Variants in SLC1A2 observed in about 807,000 individuals in gnomAD.
SLC1A2 encodes solute carrier family 1 member 2.
SLC1A2 carries 15 observed loss-of-function variants against 48.8 expected under a neutral mutation model. The observed-to-expected ratio is 0.31, with a 90% CI of 0.21 to 0.47. SLC1A2 has a LOEUF of 0.47. SLC1A2 is among the 20% of genes least tolerant of loss of function. The pLI, the probability that SLC1A2 is intolerant of heterozygous loss-of-function variation, is 0.99. For missense variants in SLC1A2, 502 were observed against 730.5 expected (o/e 0.69, Z 3.61); for synonymous variants, 279 against 272.6 (o/e 1.02, Z -0.23).
intron 1 of SLC1A2, chr11:35,392,202 A>T (rs1484645874): frequency 6.6e-6 from 1 of 152,208 alleles, no homozygotes; most frequent in Admixed American, 6.5e-5. Flanking sequence ...TTGTACAATT[A>T]AAAAAATGCA....
chr11:35,354,343 C>A (rs1392637317), intron 1 of SLC1A2, among the ~76,000 whole-genome samples: 1 of 151,860 alleles, frequency 6.6e-6, no homozygotes, highest in African/African-American at 2.4e-5. Flanking sequence ...ACCTGGAGTC[C>A]CCACTACCAG....
At chr11:35,401,432 G>C (rs1044414760) in intron 1 of SLC1A2, among the ~76,000 whole-genome samples, 3 of 152,018 alleles carry the variant, frequency 2.0e-5, no homozygotes, top group African/African-American at 7.2e-5. Flanking sequence ...AGTCTTTTTT[G>C]TCAGTCTTAA....
rs1226387343 is a variant in SLC1A2 at position 35,286,831 on chromosome 11, A to G, written c.1212T>C (p.Tyr404=). ...ATINMDGTAL[Y]EAVAAIFIAQ... ...CTATAAAGATGGCGGCTACCGCTTC[A>G]TAAAGGGCTGTACCATCCATGTTAA... is the stretch of plus-strand genomic sequence containing the variant. Residue 404 remains tyrosine, a synonymous_variant, in exon 8 of 11, where the codon TAT becomes TAC. Transcript: ENST00000278379. The G allele has an allele frequency of 6.2e-7, 1 of 1,613,910 alleles. No individual in the cohort carries two copies. Among genetic ancestry groups the G allele is most frequent in the Non-Finnish European group, 8.5e-7 (1 of 1,179,932 alleles).
At chr11:35,270,323 G>A (rs1483944253) in intron 9 of SLC1A2, among the ~76,000 whole-genome samples, 2 of 152,022 alleles carry the variant, frequency 1.3e-5, no homozygotes, top group African/African-American at 4.8e-5. Context: ...TGTACTAAGC[G>A]GAATAAGAGA....
At chr11:35,369,516 A>C (rs1299027424) in intron 1 of SLC1A2, among the ~76,000 whole-genome samples, 4 of 152,210 alleles carry the variant, frequency 2.6e-5, no homozygotes, top group Non-Finnish European at 2.9e-5. Flanking sequence ...GGAAATAAAA[A>C]GCCATGGGGC....
chr11:35,354,985 T>C (rs1853405407), intron 1 of SLC1A2, among the ~76,000 whole-genome samples: 1 of 152,248 alleles, frequency 6.6e-6, no homozygotes, highest in African/African-American at 2.4e-5. Flanking sequence ...ATAATGAATG[T>C]AGTTTCCCTT....
intron 1 of SLC1A2, among the ~76,000 whole-genome samples, chr11:35,353,568 C>T (rs771403495): frequency 6.6e-6 from 1 of 152,184 alleles, no homozygotes; most frequent in Non-Finnish European, 1.5e-5. Flanking sequence ...ATTTTAGCTA[C>T]ATTAAAATAT....
intron 2 of SLC1A2, chr11:35,317,141 C>T: frequency 2.0e-6 from 1 of 495,392 alleles, no homozygotes; most frequent in Non-Finnish European, 3.6e-6. Flanking sequence ...TGCCAACACT[C>T]TCACAAGATA....
At chr11:35,279,201 C>T (rs1266357750) in intron 9 of SLC1A2, among the ~76,000 whole-genome samples, 1 of 152,230 alleles carries the variant, frequency 6.6e-6, no homozygotes, top group Non-Finnish European at 1.5e-5. Context: ...GAGGCCCTAT[C>T]ATTTAACTCC....
rs372631736 is a variant in SLC1A2 at position 35,257,789 on chromosome 11, G to T, written c.*3105C>A. The T allele has an allele frequency of 6.6e-6, 1 of 152,194 alleles. No individual in the cohort carries two copies. Among genetic ancestry groups the T allele is most frequent in the Non-Finnish European group, 1.5e-5 (1 of 68,018 alleles). 9.4% of individuals were successfully genotyped at this position (152,194 alleles called of 1,614,324 possible). A position where few individuals can be genotyped will look rare whatever the true frequency, so the allele number is the denominator to read the frequency against. ...TCTGATTCCTAAAAAACATGAATGA[G>T]TCTATAGCAAAATGGCATTGCCGAA... On this transcript the variant is annotated 3_prime_UTR_variant, in exon 11 of 11. Transcript: ENST00000278379.
At chr11:35,392,076 T>C (rs1191279184) in intron 1 of SLC1A2, among the ~76,000 whole-genome samples, 1 of 152,190 alleles carries the variant, frequency 6.6e-6, no homozygotes, top group African/African-American at 2.4e-5. Flanking sequence ...GATAAATAAA[T>C]AAAAATCACC....
intron 1 of SLC1A2, among the ~76,000 whole-genome samples, chr11:35,401,226 G>A (rs1855130936): frequency 6.6e-6 from 1 of 152,170 alleles, no homozygotes; most frequent in South Asian, 2.1e-4. Flanking sequence ...AAATGTGTCA[G>A]ACTCTTAGTT....
At chr11:35,283,091 G>A (rs1048814020) in intron 8 of SLC1A2, among the ~76,000 whole-genome samples, 4 of 152,084 alleles carry the variant, frequency 2.6e-5, no homozygotes, top group Non-Finnish European at 2.9e-5. Flanking sequence ...TGCTTTCACC[G>A]TGAGGAAAAC....
chr11:35,334,614 G>A (rs559281690), intron 1 of SLC1A2, among the ~76,000 whole-genome samples: 2 of 152,302 alleles, frequency 1.3e-5, no homozygotes, highest in South Asian at 4.1e-4. Flanking sequence ...AGCGGGTGGA[G>A]GAGGGCTTCA....
At chr11:35,281,119 C>T (rs1049879188) in intron 8 of SLC1A2, 118 bp from the exon 9 acceptor site, 17 of 1,355,306 alleles carry the variant, frequency 1.3e-5, no homozygotes, top group Non-Finnish European at 1.6e-5. Context: ...AACCCCCACC[C>T]CATACTCTCC....
intron 1 of SLC1A2, among the ~76,000 whole-genome samples, chr11:35,416,883 G>T (rs1211420470): frequency 6.6e-6 from 1 of 152,176 alleles, no homozygotes; most frequent in East Asian, 1.9e-4. Context: ...ATCCTTGACT[G>T]GATGGAGCTA....
intron 1 of SLC1A2, among the ~76,000 whole-genome samples, chr11:35,416,188 A>G (rs1307291301): frequency 1.3e-5 from 2 of 152,224 alleles, no homozygotes; most frequent in Admixed American, 6.5e-5. Context: ...TATGCTCTGT[A>G]CAGGCAAAGA....
intron 1 of SLC1A2, among the ~76,000 whole-genome samples, chr11:35,376,069 G>T (rs113085360): frequency 0.025 from 3,849 of 152,070 alleles, 172 homozygotes; most frequent in African/African-American, 0.087. Context: ...CAATCTATTA[G>T]GCTTAAAAAC....
chr11:35,379,000 G>T (rs918615921), intron 1 of SLC1A2, among the ~76,000 whole-genome samples: 1 of 152,146 alleles, frequency 6.6e-6, no homozygotes, highest in African/African-American at 2.4e-5. Context: ...AGGCCGAGGG[G>T]GATGGATCAC....
Sources: allele counts gnomAD v4.1 joint callset (sites outside exome capture counted in the v4.1 genomes callset), GRCh38; gene constraint gnomAD v4.1.1; transcripts MANE v1.5; gene names NCBI Gene and HGNC (gene_info 2026-07-23, HGNC 2026-07-21).